Variants in CNTNAP4 observed in about 807,000 individuals in gnomAD.
The protein encoded by CNTNAP4 is contactin-associated protein-like 4.
CNTNAP4 carries 98 observed loss-of-function variants against 148.4 expected under a neutral mutation model. The ratio of observed to expected loss-of-function variants is 0.66; its 90% confidence interval spans 0.56 to 0.78. The LOEUF is 0.78. Ranked by LOEUF, CNTNAP4 falls within the 30% of genes least tolerant of loss-of-function variation. The pLI is 0.00. For synonymous variants in CNTNAP4, 730 were observed against 565.1 expected, an observed-to-expected ratio of 1.29 and a Z score of -4.14; for missense variants, 1,935 against 1,565.6, an observed-to-expected ratio of 1.24 and a Z score of -3.98.
At chr16:76,366,884 G>C (rs1362120718) in intron 3 of CNTNAP4, among the ~76,000 whole-genome samples, 1 of 152,076 alleles carries the variant, frequency 6.6e-6, no homozygotes, top group African/African-American at 2.4e-5. Flanking sequence ...GGATGTATCT[G>C]CTTTTGAGTA....
In CNTNAP4 at chr16:76,538,257, T is replaced by A; in HGVS notation, c.3137T>A (p.Phe1046Tyr). ...KLSREMIKFS[F>Y]RTTRTPSLLL... The stretch of plus-strand genomic sequence containing the variant: ...AGCAGAGAAATGATCAAATTTAGTT[T>A]CCGAACAACACGAACACCAAGCTTG... The change falls in exon 19 of 24, where the codon TTC becomes TAC. Residue 1046 changes from phenylalanine (F) to tyrosine (Y), a missense_variant. Transcript: ENST00000611870. 6.2e-7 allele frequency: 1 copy of A among 1,611,212 alleles called. No individual in the cohort carries two copies. Among genetic ancestry groups the A allele is most frequent in the South Asian group, 1.1e-5 (1 of 90,744 alleles).
At chr16:76,543,147 T>C (rs1411360957) in intron 21 of CNTNAP4, among the ~76,000 whole-genome samples, 1 of 152,162 alleles carries the variant, frequency 6.6e-6, no homozygotes, top group African/African-American at 2.4e-5. Flanking sequence ...AACTGAGCAA[T>C]GAACTTTATG....
rs372006923 is a variant in CNTNAP4, at chr16:76,486,271, C to T, written c.1883-3415C>T. Among the ~76,000 whole-genome samples the T allele has an allele frequency of 3.6e-4, 54 of 151,638 alleles. No individual in the cohort carries two copies. The East Asian group carries it at 5.4e-3, about 15-fold the overall frequency. On this transcript the variant is annotated intron_variant, in intron 12 of 23. Transcript: ENST00000611870. ...GGTAATAAAGTAAAATCATGATTCT[C>T]ATACAGATATGAAAATAAAAGTTTA... is the stretch of plus-strand genomic sequence containing the variant.
intron 15 of CNTNAP4, among the ~76,000 whole-genome samples, chr16:76,500,290 T>A (rs1296406194): frequency 6.6e-6 from 1 of 152,232 alleles, no homozygotes; most frequent in African/African-American, 2.4e-5. Flanking sequence ...TGAACATTTT[T>A]AAGTACGGTC....
rs2082951560 is a variant in CNTNAP4, at chr16:76,510,056, A to G, written c.2366-11084A>G. Among the ~76,000 whole-genome samples the G allele has an allele frequency of 4.7e-5, 2 of 42,850 alleles. 1 individual carries two copies. 28.1% of individuals were successfully genotyped at this position (42,850 alleles called of 152,430 possible). A position where few individuals can be genotyped will look rare whatever the true frequency, so the allele number is the denominator to read the frequency against. On this transcript the variant is annotated intron_variant, in intron 15 of 23. Transcript: ENST00000611870. ...ATTTAATCATTTTAATGTACTATAC[A>G]GATTTGAGCAACCATCACCATAATC...
chr16:76,382,081 A>C (rs1229212972), intron 3 of CNTNAP4, among the ~76,000 whole-genome samples: 1 of 151,228 alleles, frequency 6.6e-6, no homozygotes, highest in Non-Finnish European at 1.5e-5. Flanking sequence ...AAAAAAAAAA[A>C]AAAAAAAGAG....
chr16:76,285,068 G>T (rs953571251), intron 1 of CNTNAP4, among the ~76,000 whole-genome samples: 12 of 152,002 alleles, frequency 7.9e-5, no homozygotes, highest in Non-Finnish European at 1.5e-4. Context: ...GATAAAGAAT[G>T]TACATGCCAA....
chr16:76,324,591 G>T (rs534854427), intron 2 of CNTNAP4, among the ~76,000 whole-genome samples: 1 of 152,264 alleles, frequency 6.6e-6, no homozygotes, highest in South Asian at 2.1e-4. Context: ...TTTTACCTTG[G>T]ACTTTGCCTT....
At chr16:76,490,706 C>G (rs1330343702) in intron 13 of CNTNAP4, among the ~76,000 whole-genome samples, 1 of 152,156 alleles carries the variant, frequency 6.6e-6, no homozygotes, top group Non-Finnish European at 1.5e-5. Context: ...AGCTCTACCG[C>G]CTTTCTGTTG....
intron 23 of CNTNAP4, chr16:76,558,256 TATGC>T (rs1267680932): frequency 4.8e-6 from 2 of 418,570 alleles, no homozygotes; most frequent in Non-Finnish European, 8.4e-6. Context: ...TCCGATATAA[TATGC>T]ATTCATAATA....
At chr16:76,308,122 C>T (rs1348307562) in intron 1 of CNTNAP4, among the ~76,000 whole-genome samples, 1 of 97,314 alleles carries the variant, frequency 1.0e-5, no homozygotes, top group Admixed American at 1.2e-4. Context: ...ATTGCAGGAA[C>T]ATTTTTTTTT....
chr16:76,415,657 G>A (rs2078946655), intron 3 of CNTNAP4, among the ~76,000 whole-genome samples: 1 of 150,574 alleles, frequency 6.6e-6, no homozygotes, highest in South Asian at 2.1e-4. Flanking sequence ...CCCACAAAGA[G>A]GAATCAGAAT....
rs565019148 is a variant in CNTNAP4, at chr16:76,527,095, G to C, written c.2755+4838G>C. Among the ~76,000 whole-genome samples the C allele has an allele frequency of 3.3e-5, 5 of 152,206 alleles. No individual in the cohort carries two copies. The East Asian group carries it at 9.7e-4, about 29-fold the overall frequency. On this transcript the variant is annotated intron_variant, in intron 17 of 23. Transcript: ENST00000611870. The stretch of plus-strand genomic sequence containing the variant: ...ATTATATACCACAAGCCATAAGCTT[G>C]CCAGGCTGCAAAGAGTCTCTGGTCC...
At chr16:76,298,219 G>T (rs9928543) in intron 1 of CNTNAP4, among the ~76,000 whole-genome samples, 1 of 152,216 alleles carries the variant, frequency 6.6e-6, no homozygotes, top group Admixed American at 6.5e-5. Flanking sequence ...GAGGTTAGCC[G>T]GTAGGTCTTC....
chr16:76,401,108 A>G (rs562537350), intron 3 of CNTNAP4, among the ~76,000 whole-genome samples: 82 of 152,238 alleles, frequency 5.4e-4, no homozygotes, highest in African/African-American at 1.9e-3. Flanking sequence ...AATAGTATTG[A>G]ATCTGTACAT....
chr16:76,313,926 A>G (rs1961418586), intron 1 of CNTNAP4, among the ~76,000 whole-genome samples: 1 of 152,188 alleles, frequency 6.6e-6, no homozygotes, highest in South Asian at 2.1e-4. Context: ...TAATGCAAAA[A>G]TGGGAACAAC....
At chr16:76,368,515 C>T (rs1241101411) in intron 3 of CNTNAP4, among the ~76,000 whole-genome samples, 10 of 152,124 alleles carry the variant, frequency 6.6e-5, no homozygotes, top group Admixed American at 6.5e-4. Flanking sequence ...AGTTCATGTC[C>T]TTTGCAGGGA....
intron 15 of CNTNAP4, among the ~76,000 whole-genome samples, chr16:76,504,914 T>A (rs2082786310): frequency 6.6e-6 from 1 of 152,160 alleles, no homozygotes. Flanking sequence ...GATACCAATA[T>A]GTAACTGTTA....
At chr16:76,316,378 A>T in intron 1 of CNTNAP4, 35 bp from the exon 2 acceptor site, 1 of 1,427,602 alleles carries the variant, frequency 7.0e-7, no homozygotes, top group Non-Finnish European at 9.9e-7. Context: ...CCTCAGCACT[A>T]ACTAACCCTA....
Sources: allele counts gnomAD v4.1 joint callset (sites outside exome capture counted in the v4.1 genomes callset), GRCh38; gene constraint gnomAD v4.1.1; transcripts MANE v1.5; gene names NCBI Gene and HGNC (gene_info 2026-07-23, HGNC 2026-07-21).